Variants in RDM1 observed in about 807,000 individuals in gnomAD.
RDM1 encodes RAD52 motif-containing protein 1.
A neutral mutation model predicts 27.7 loss-of-function variants in RDM1; 28 were observed. That is an observed-to-expected ratio of 1.01 (90% CI 0.75 to 1.39). The LOEUF (loss-of-function observed/expected upper bound fraction) is 1.39, where lower values mean the gene tolerates loss of function less well. RDM1 is among the 40% of genes most tolerant of loss of function. The pLI, the probability that RDM1 is intolerant of heterozygous loss-of-function variation, is 0.00. For missense variants in RDM1, 277 were observed against 337.3 expected, an observed-to-expected ratio of 0.82 and a Z score of 1.40; for synonymous variants, 124 against 127.5, an observed-to-expected ratio of 0.97 and a Z score of 0.19.
At chr17:35,921,119 A>G (rs2088930851) in intron 5 of RDM1, among the ~76,000 whole-genome samples, 1 of 152,238 alleles carries the variant, frequency 6.6e-6, no homozygotes, top group African/African-American at 2.4e-5. Flanking sequence ...ACCCTTATAG[A>G]CAATAGAACT....
intron 3 of RDM1, among the ~76,000 whole-genome samples, chr17:35,925,065 C>A (rs924125621): frequency 6.6e-6 from 1 of 152,052 alleles, no homozygotes; most frequent in Non-Finnish European, 1.5e-5. Flanking sequence ...ACCCAGGAGG[C>A]AGATTTTGCA....
At chr17:35,923,914 T>C (rs1423158230) in intron 4 of RDM1, among the ~76,000 whole-genome samples, 1 of 152,006 alleles carries the variant, frequency 6.6e-6, no homozygotes, top group Non-Finnish European at 1.5e-5. Flanking sequence ...CAAAAGTTTA[T>C]GTAAATCTTT....
intron 2 of RDM1, among the ~76,000 whole-genome samples, chr17:35,928,934 G>A (rs2141953698): frequency 6.6e-6 from 1 of 152,004 alleles, no homozygotes; most frequent in Non-Finnish European, 1.5e-5. Context: ...AATTAGCCAG[G>A]TGTGGTGGCA....
intron 5 of RDM1, among the ~76,000 whole-genome samples, chr17:35,920,856 A>C (rs2088921407): frequency 6.6e-6 from 1 of 152,208 alleles, no homozygotes; most frequent in Admixed American, 6.5e-5. Flanking sequence ...ATAAGAAATA[A>C]AAAATGTGGA....
At chr17:35,928,821 G>C (rs1443960260) in intron 2 of RDM1, among the ~76,000 whole-genome samples, 1 of 149,192 alleles carries the variant, frequency 6.7e-6, no homozygotes, top group African/African-American at 2.5e-5. Flanking sequence ...CACACCTGTA[G>C]TCCCAGCACT....
chr17:35,921,783 A>G (rs558010270), intron 5 of RDM1, among the ~76,000 whole-genome samples: 2 of 152,240 alleles, frequency 1.3e-5, no homozygotes, highest in Admixed American at 6.5e-5. Context: ...TTGTCATCTC[A>G]TTTACTCTTA....
chr17:35,924,537 TAAG>T, intron 4 of RDM1, 64 bp downstream of exon 4: 2 of 1,500,186 alleles, frequency 1.3e-6, no homozygotes, highest in South Asian at 2.6e-5. Flanking sequence ...TTTTGGAAAG[TAAG>T]AAAAAAAGAA....
In RDM1 at chr17:35,921,170, GA is replaced by G. The variant is rs544462019; in HGVS notation, c.668-899del. The stretch of plus-strand genomic sequence containing the variant: ...TAGAGCCATCAGGCTTTTGGTCTAA[GA>G]AGTTTTCAGTGTGTGCAAGATACCT... On this transcript the variant is annotated intron_variant, in intron 5 of 6. Coordinates refer to ENST00000620284, the MANE Select transcript of RDM1 (RefSeq NM_145654.4). 6.6e-5 allele frequency among the ~76,000 whole-genome samples: 10 copies of G among 152,338 alleles called. 1 individual carries two copies. Among genetic ancestry groups the G allele is most frequent in the Admixed American group, 5.9e-4 (9 of 15,304 alleles).
intron 2 of RDM1, among the ~76,000 whole-genome samples, 199 bp from the exon 3 acceptor site, chr17:35,925,836 G>A (rs932528141): frequency 4.6e-5 from 7 of 152,098 alleles, no homozygotes; most frequent in Admixed American, 2.6e-4. Flanking sequence ...TTACTAACCC[G>A]TTAAAAGATG....
At chr17:35,923,526 G>C (rs2089026350) in intron 4 of RDM1, among the ~76,000 whole-genome samples, 1 of 151,594 alleles carries the variant, frequency 6.6e-6, no homozygotes, top group Non-Finnish European at 1.5e-5. Context: ...AGCCAGGTGT[G>C]GTGGTAGGCA....
chr17:35,929,651 A>G (rs1396194339), intron 2 of RDM1, among the ~76,000 whole-genome samples: 3 of 152,184 alleles, frequency 2.0e-5, no homozygotes, highest in Admixed American at 2.0e-4. Flanking sequence ...TATGTTGCCC[A>G]GGCTGGTCTC....
chr17:35,926,656 G>A (rs992238037), intron 2 of RDM1, among the ~76,000 whole-genome samples: 1 of 151,934 alleles, frequency 6.6e-6, no homozygotes, highest in South Asian at 2.1e-4. Context: ...TGCCCGCCTC[G>A]GCCTCCCAAA....
In RDM1 at chr17:35,918,301, C is replaced by G. The variant is rs773095731; in HGVS notation, c.*41G>C. On this transcript the variant is annotated 3_prime_UTR_variant, in exon 7 of 7. Transcript: ENST00000620284. ...GGGGTAGGGGCACGACAGAGCTTCC[C>G]AAGGAAGTTACATGACCTCGCCTTG... 17 of 1,570,210 alleles carry G rather than the reference C, an allele frequency of 1.1e-5. No individual in the cohort carries two copies. The South Asian group carries it at 1.9e-4, about 17-fold the overall frequency.
intron 2 of RDM1, among the ~76,000 whole-genome samples, chr17:35,926,000 G>A (rs545922005): frequency 7.2e-5 from 11 of 152,208 alleles, no homozygotes; most frequent in Admixed American, 2.0e-4. Context: ...CAGGCATGGT[G>A]GCACGTGCCT....
rs1430906375 is a variant in RDM1, at chr17:35,930,258, G to A, written c.97-3C>T. On this transcript the variant is annotated splice_polypyrimidine_tract_variant and splice_region_variant and intron_variant, in intron 1 of 6. Transcript: ENST00000620284. ...GAAAATGCTGTGAACAGAGAATGCT[G>A]TGGGGGTGGGACAAGTAAATGCATG... The A allele has an allele frequency of 1.9e-6, 3 of 1,614,122 alleles. No individual in the cohort carries two copies. Among genetic ancestry groups the A allele is most frequent in the Non-Finnish European group, 2.5e-6 (3 of 1,180,032 alleles).
At position 35,926,535 on chromosome 17, in the gene RDM1, T is replaced by C. The variant is rs1044187838; in HGVS notation, c.277-898A>G. 2.6e-5 allele frequency among the ~76,000 whole-genome samples: 4 copies of C among 152,048 alleles called. No individual in the cohort carries two copies. The East Asian group carries it at 7.8e-4, about 30-fold the overall frequency. On this transcript the variant is annotated intron_variant, in intron 2 of 6. Transcript: ENST00000620284. ...TCTCCTGCCTCAGCCTCCCGAGTAGTTGGGACTACAGGCACCTGCCACCAC... is the reference window on the plus strand; with the variant it reads ...TCTCCTGCCTCAGCCTCCCGAGTAGCTGGGACTACAGGCACCTGCCACCAC...
intron 4 of RDM1, among the ~76,000 whole-genome samples, chr17:35,923,084 G>A (rs776147485): frequency 3.3e-5 from 5 of 152,192 alleles, no homozygotes; most frequent in Admixed American, 1.3e-4. Flanking sequence ...GGAGGCTGAG[G>A]CAGGTGGAGG....
intron 6 of RDM1, 131 bp downstream of exon 6, chr17:35,920,056 T>G: frequency 1.9e-6 from 1 of 538,764 alleles, no homozygotes; most frequent in Non-Finnish European, 3.3e-6. Flanking sequence ...CCAGAAATAC[T>G]CTGCACTCAA....
rs2141919563 is a variant in RDM1, at chr17:35,918,350, G to A, written c.847C>T (p.Leu283Phe). The stretch of plus-strand genomic sequence containing the variant: ...TGGGATATTCAGAAATGCTAGTCAA[G>A]TTCTGGCAGCCTGAACTCTTCCTCC... The part of the protein sequence containing the change: ...LEEEEFRLPE[L>F]D The change falls in exon 7 of 7, where the codon CTT becomes TTT. Residue 283 changes from leucine (L) to phenylalanine (F), a missense_variant. Physicochemically the swap from Leu to Phe is conservative, Grantham distance 22 (BLOSUM62 0). Coordinates refer to ENST00000620284, the MANE Select transcript of RDM1 (RefSeq NM_145654.4). 1.2e-6 allele frequency: 2 copies of A among 1,613,468 alleles called. No individual in the cohort carries two copies. Among genetic ancestry groups the A allele is most frequent in the East Asian group, 4.5e-5 (2 of 44,870 alleles).
Sources: allele counts gnomAD v4.1 joint callset (sites outside exome capture counted in the v4.1 genomes callset), GRCh38; gene constraint gnomAD v4.1.1; transcripts MANE v1.5; gene names NCBI Gene and HGNC (gene_info 2026-07-23, HGNC 2026-07-21).